ANKRD33B: variants seen among roughly 807,000 people sequenced by gnomAD.
The protein encoded by ANKRD33B is ankyrin repeat domain 33B.
ANKRD33B carries 6 observed loss-of-function variants against 21.5 expected under a neutral mutation model. The observed-to-expected ratio is 0.28, with a 90% CI of 0.15 to 0.55. ANKRD33B has a LOEUF of 0.55. Among genes scored for constraint, ANKRD33B ranks in the 20% least tolerant of loss-of-function variants. The pLI is 0.94. For missense variants in ANKRD33B, 698 were observed against 747.2 expected, an observed-to-expected ratio of 0.93 and a Z score of 0.77; for synonymous variants, 347 against 342.4, an observed-to-expected ratio of 1.01 and a Z score of -0.15.
chr5:10,568,072 T>A (rs1735098275), intron 1 of ANKRD33B, among the ~76,000 whole-genome samples: 1 of 152,308 alleles, frequency 6.6e-6, no homozygotes, highest in South Asian at 2.1e-4. Context: ...AAGGGTCAGA[T>A]GTGTTTTGTT....
chr5:10,649,432 AGCG>A lies in ANKRD33B; in HGVS notation c.808_810del (p.Ala270del). 1 of 1,535,304 alleles carries A rather than the reference AGCG, an allele frequency of 6.5e-7. No homozygotes were observed. Among genetic ancestry groups the A allele is most frequent in the Non-Finnish European group, 8.7e-7 (1 of 1,146,456 alleles). The stretch of plus-strand genomic sequence containing the variant: ...GGCCCGAGCTGCCGCCGCCCCCTGA[AGCG>A]GCGCGGAAGCCCGCGGGCTCCAAGA... On this transcript the variant is annotated inframe_deletion, in exon 4 of 4. Transcript: ENST00000296657.
At chr5:10,620,100 G>A (rs1736386225) in intron 2 of ANKRD33B, among the ~76,000 whole-genome samples, 1 of 152,074 alleles carries the variant, frequency 6.6e-6, no homozygotes, top group Non-Finnish European at 1.5e-5. Context: ...CCAATGCAAG[G>A]GAATGTATTT....
intron 2 of ANKRD33B, among the ~76,000 whole-genome samples, chr5:10,622,622 T>C (rs1018682052): frequency 6.6e-6 from 1 of 152,204 alleles, no homozygotes; most frequent in Non-Finnish European, 1.5e-5. Context: ...AAATGTTCTT[T>C]TGCTTCTTGC....
intron 1 of ANKRD33B, among the ~76,000 whole-genome samples, chr5:10,568,350 C>T (rs1579706088): frequency 6.6e-6 from 1 of 152,352 alleles, no homozygotes; most frequent in East Asian, 1.9e-4. Flanking sequence ...CACTTACTAT[C>T]ACCTGAAGTT....
chr5:10,617,867 T>C (rs979496552), intron 1 of ANKRD33B, among the ~76,000 whole-genome samples: 2 of 152,188 alleles, frequency 1.3e-5, no homozygotes, highest in Non-Finnish European at 2.9e-5. Context: ...TTTTCCCCTC[T>C]CTGTGTCCCT....
intron 3 of ANKRD33B, among the ~76,000 whole-genome samples, chr5:10,647,341 G>A (rs982628762): frequency 2.6e-5 from 4 of 152,054 alleles, no homozygotes; most frequent in South Asian, 2.1e-4. Flanking sequence ...AACCCCTGAC[G>A]TCAGGAGATC....
intron 2 of ANKRD33B, among the ~76,000 whole-genome samples, chr5:10,633,206 A>G (rs904681045): frequency 6.6e-6 from 1 of 150,598 alleles, no homozygotes; most frequent in Non-Finnish European, 1.5e-5. Flanking sequence ...GGTTCAAGCA[A>G]TTCTCCTGCC....
At position 10,564,340 on chromosome 5, in the gene ANKRD33B, G is replaced by C. The variant is rs933659932; in HGVS notation, c.-128G>C. 6 of 634,454 alleles carry C rather than the reference G, an allele frequency of 9.5e-6. No homozygotes were observed. Among genetic ancestry groups the C allele is most frequent in the African/African-American group, 2.0e-5 (1 of 50,440 alleles). The allele number at this position is 634,454 out of a possible 1,614,324, so 39.3% of individuals were successfully genotyped here. ...CAGCCGCCTGGTGCCGGTTTCCGCC[G>C]AGCTGGAGCGCGCGGGCCACGGCTT... is the stretch of plus-strand genomic sequence containing the variant. On this transcript the variant is annotated 5_prime_UTR_variant, in exon 1 of 4. Coordinates refer to ENST00000296657, the MANE Select transcript of ANKRD33B (RefSeq NM_001164440.2).
rs1418798977 is a variant in ANKRD33B, at chr5:10,649,629, G to A, written c.1001G>A (p.Ser334Asn). 4.2e-5 allele frequency: 65 copies of A among 1,531,178 alleles called. No homozygotes were observed. In the Admixed American group the frequency reaches 1.3e-3, roughly 30 times the overall value. The allele number at this position is 1,531,178 out of a possible 1,614,324, so 94.8% of individuals were successfully genotyped here. The change falls in exon 4 of 4, where the codon AGC (serine) becomes AAC (asparagine). Residue 334 changes from serine to asparagine, a missense_variant. By Grantham distance (46) the Ser-to-Asn change is conservative. This residue lies in a region of ANKRD33B where 543 missense variants were observed against 566.5 expected (regional missense o/e 0.96). Coordinates refer to ENST00000296657, the MANE Select transcript of ANKRD33B (RefSeq NM_001164440.2). ...ACCGTGTGCCCTGAGAGCCCTCCGA[G>A]CGTGGGGAAGAGGCGGCTGGCGGTG... ...CQTVCPESPP[S>N]VGKRRLAVQE...
Position 10,576,569 on chromosome 5 carries a change from A to C in ANKRD33B, c.366+11736A>C, listed in dbSNP as rs1735325954. Among the ~76,000 whole-genome samples, 1 of 152,256 alleles carries C rather than the reference A, an allele frequency of 6.6e-6. No individual in the cohort carries two copies. The highest frequency in any genetic ancestry group is 1.5e-5 in the Non-Finnish European group (1 of 68,048). ...CCATCTAGAAACTGGGAGGCTTACTATGAAGATAATAACACCTCCTAGAGG... is the reference window on the plus strand; with the variant it reads ...CCATCTAGAAACTGGGAGGCTTACTCTGAAGATAATAACACCTCCTAGAGG... On this transcript the variant is annotated intron_variant, in intron 1 of 3. Transcript: ENST00000296657. The surrounding 1 kb of genome is among the most constrained non-coding windows in gnomAD (Gnocchi z 4.1).
chr5:10,564,955 C>A, intron 1 of ANKRD33B, 122 bp downstream of exon 1: 1 of 1,322,266 alleles, frequency 7.6e-7, no homozygotes, highest in Non-Finnish European at 1.0e-6. Context: ...TCAGCCGCCG[C>A]CCAGAGCGCC....
chr5:10,612,496 A>G (rs1233879440), intron 1 of ANKRD33B, among the ~76,000 whole-genome samples: 1 of 152,234 alleles, frequency 6.6e-6, no homozygotes, highest in Admixed American at 6.5e-5. Flanking sequence ...CAACATATGA[A>G]TTTTGAAGGG....
At chr5:10,604,745 A>C (rs916815993) in intron 1 of ANKRD33B, among the ~76,000 whole-genome samples, 19 of 152,164 alleles carry the variant, frequency 1.2e-4, no homozygotes, top group Non-Finnish European at 2.8e-4. Context: ...TGAATGATCC[A>C]GTTCTCAAGA....
At position 10,656,428 on chromosome 5, in the gene ANKRD33B, T is replaced by G. The variant is rs1052305018; in HGVS notation, c.*6315T>G. ...GTGAGTGTGTGCACGGGCGAGCACA[T>G]GTATGTGTACTCATACATCCAGATG... On this transcript the variant is annotated 3_prime_UTR_variant, in exon 4 of 4. Transcript: ENST00000296657. The G allele has an allele frequency of 1.3e-5, 2 of 152,388 alleles. No individual in the cohort carries two copies. Among genetic ancestry groups the G allele is most frequent in the African/African-American group, 4.8e-5 (2 of 41,460 alleles). 9.4% of individuals were successfully genotyped at this position (152,388 alleles called of 1,614,324 possible). A position where few individuals can be genotyped will look rare whatever the true frequency, so the allele number is the denominator to read the frequency against.
intron 1 of ANKRD33B, among the ~76,000 whole-genome samples, chr5:10,592,617 ACT>A (rs1337396742): frequency 1.5e-5 from 2 of 132,846 alleles, no homozygotes; most frequent in Non-Finnish European, 3.4e-5. Flanking sequence ...ACAGAGTGAG[ACT>A]CTGTCAAAAA....
intron 1 of ANKRD33B, among the ~76,000 whole-genome samples, chr5:10,570,647 C>T (rs1015361275): frequency 3.3e-5 from 5 of 152,160 alleles, no homozygotes; most frequent in African/African-American, 1.2e-4. Flanking sequence ...GCCTTGACCT[C>T]CTGGGCACAA....
At chr5:10,601,140 G>A (rs183807016) in intron 1 of ANKRD33B, among the ~76,000 whole-genome samples, 2 of 152,144 alleles carry the variant, frequency 1.3e-5, no homozygotes, top group South Asian at 2.1e-4. Flanking sequence ...GGGTTGGGGG[G>A]CATATATTTA....
In ANKRD33B at chr5:10,657,554, A is replaced by G. The variant is rs1213243605; in HGVS notation, c.*7441A>G. Reference sequence around the variant, plus strand: ...AGGTGAGAGTTTTGTTATAGTTTATAAAAGATATTTTCCTATTCAGACCTC... The same window carrying G: ...AGGTGAGAGTTTTGTTATAGTTTATGAAAGATATTTTCCTATTCAGACCTC... On this transcript the variant is annotated 3_prime_UTR_variant, in exon 4 of 4. Coordinates refer to ENST00000296657, the MANE Select transcript of ANKRD33B (RefSeq NM_001164440.2). 6.6e-6 allele frequency: 1 copy of G among 152,350 alleles called. No individual in the cohort carries two copies. Among genetic ancestry groups the G allele is most frequent in the Non-Finnish European group, 1.5e-5 (1 of 68,044 alleles). 9.4% of individuals were successfully genotyped at this position (152,350 alleles called of 1,614,324 possible). A position where few individuals can be genotyped will look rare whatever the true frequency, so the allele number is the denominator to read the frequency against.
intron 1 of ANKRD33B, among the ~76,000 whole-genome samples, chr5:10,573,803 A>G (rs1304029279): frequency 6.6e-6 from 1 of 151,978 alleles, no homozygotes; most frequent in Non-Finnish European, 1.5e-5. Context: ...TGATCCAGTC[A>G]CCTCCCACCA....
Sources: allele counts gnomAD v4.1 joint callset (sites outside exome capture counted in the v4.1 genomes callset), GRCh38; gene constraint gnomAD v4.1.1; regional missense constraint gnomAD v4.1.1; non-coding constraint Gnocchi (gnomAD v3.1); transcripts MANE v1.5; gene names NCBI Gene and HGNC (gene_info 2026-07-23, HGNC 2026-07-21).